SAMD5: variants seen among roughly 807,000 people sequenced by gnomAD.
SAMD5 encodes sterile alpha motif domain-containing protein 5.
SAMD5 carries 13 observed loss-of-function variants against 11.3 expected under a neutral mutation model. The observed-to-expected ratio is 1.15, with a 90% CI of 0.75 to 1.83. The LOEUF (loss-of-function observed/expected upper bound fraction) is 1.83, where lower values mean the gene tolerates loss of function less well. Among genes scored for constraint, SAMD5 ranks in the 40% most tolerant of loss-of-function variants. The pLI is 0.00. For synonymous variants in SAMD5, 129 were observed against 111.3 expected (o/e 1.16, Z -1.00); for missense variants, 255 against 239.1 (o/e 1.07, Z -0.44).
intron 1 of SAMD5, among the ~76,000 whole-genome samples, chr6:147,529,870 T>G (rs995239213): frequency 6.6e-6 from 1 of 152,212 alleles, no homozygotes; most frequent in African/African-American, 2.4e-5. Flanking sequence ...TATTTCAGGA[T>G]TTCCCAGTTT....
At chr6:147,694,680 G>A (rs1252368590) in intron 1 of SAMD5, among the ~76,000 whole-genome samples, 7 of 152,064 alleles carry the variant, frequency 4.6e-5, no homozygotes, top group African/African-American at 1.2e-4. Flanking sequence ...AGCCAGGCAC[G>A]GTAGCTCAAA....
At chr6:147,881,205 T>G in the SAMD5 span, among the ~76,000 whole-genome samples, 1 of 152,128 alleles carries the variant, frequency 6.6e-6, no homozygotes, top group Non-Finnish European at 1.5e-5. Context: ...ATGGCAAAAC[T>G]AAGATCTTTG....
At chr6:147,860,833 C>A in the SAMD5 span, among the ~76,000 whole-genome samples, 6 of 152,096 alleles carry the variant, frequency 3.9e-5, no homozygotes, top group African/African-American at 1.4e-4. Context: ...TGAATGGATT[C>A]CATAGGAATA....
intron 1 of SAMD5, among the ~76,000 whole-genome samples, chr6:147,520,695 G>A (rs1305472018): frequency 6.6e-6 from 1 of 152,038 alleles, no homozygotes; most frequent in Non-Finnish European, 1.5e-5. Flanking sequence ...TTTTTTGTCA[G>A]TAGCTGTCAT....
chr6:147,605,354 A>G (rs1459162004), intron 1 of SAMD5, among the ~76,000 whole-genome samples: 1 of 152,162 alleles, frequency 6.6e-6, no homozygotes, highest in African/African-American at 2.4e-5. Flanking sequence ...GCCTCAAGTG[A>G]TCCTCTCACC....
the SAMD5 span, among the ~76,000 whole-genome samples, chr6:147,880,103 A>C: frequency 6.6e-6 from 1 of 152,200 alleles, no homozygotes; most frequent in Non-Finnish European, 1.5e-5. Flanking sequence ...CTTCATAAAA[A>C]TCCTGTGAAA....
At chr6:147,935,462 A>T in the SAMD5 span, among the ~76,000 whole-genome samples, 1 of 152,192 alleles carries the variant, frequency 6.6e-6, no homozygotes, top group Non-Finnish European at 1.5e-5. Context: ...GCAAAAGTAG[A>T]GAAGGAATAA....
chr6:147,929,176 A>T, the SAMD5 span, among the ~76,000 whole-genome samples: 38 of 152,286 alleles, frequency 2.5e-4, no homozygotes, highest in South Asian at 1.2e-3. Flanking sequence ...CAGTAAGTTC[A>T]GTTGTCTTCA....
intron 1 of SAMD5, among the ~76,000 whole-genome samples, chr6:147,691,993 A>C (rs1229860493): frequency 5.3e-5 from 8 of 151,594 alleles, no homozygotes; most frequent in African/African-American, 1.2e-4. Context: ...ACACACACAC[A>C]CCCCCCTGAT....
At chr6:147,904,670 T>C in the SAMD5 span, among the ~76,000 whole-genome samples, 1 of 152,154 alleles carries the variant, frequency 6.6e-6, no homozygotes. Context: ...ATTTCTCAAA[T>C]TGCAGCCCCT....
the SAMD5 span, among the ~76,000 whole-genome samples, chr6:147,790,756 TTCTCTCTCTCTCTTTCTCTCTC>T: frequency 6.9e-5 from 2 of 28,966 alleles, no homozygotes; most frequent in Admixed American, 3.3e-4. Flanking sequence ...CTCTCTCTCT[TTCTCTCTCTCTCTTTCTCTCTC>T]TCTCTCTCTC....
rs536163384 is a variant in SAMD5 at position 147,523,738 on chromosome 6, G to A, written c.459+14351G>A. Among the ~76,000 whole-genome samples the A allele has an allele frequency of 2.2e-4, 33 of 152,292 alleles. No homozygotes were observed. In the South Asian group the frequency reaches 6.2e-3, roughly 29 times the overall value. The stretch of plus-strand genomic sequence containing the variant: ...CTTGCTTCCTTCAGGATCAGGTTAA[G>A]GGGCAAAACGTGAAATGTGAAAGTG... On this transcript the variant is annotated intron_variant, in intron 1 of 1. Transcript: ENST00000367474.
chr6:147,733,663 C>G (rs925424281), intron 1 of SAMD5: 1 of 217,250 alleles, frequency 4.6e-6, no homozygotes, highest in Non-Finnish European at 7.8e-6. Flanking sequence ...ATTCTCTCCT[C>G]CCTTATCCAA....
At chr6:147,872,549 C>A in the SAMD5 span, among the ~76,000 whole-genome samples, 1 of 152,130 alleles carries the variant, frequency 6.6e-6, no homozygotes, top group African/African-American at 2.4e-5. Context: ...GGGTTGGGTT[C>A]CTTGCCAAAG....
rs1196020353 is a variant in SAMD5, at chr6:147,679,532, GA to G, written c.163-57783del. ...TATTGAGTTTTGAGAATTCCACAATGAATTTATGTATTCTAGATTAAATTAC... is the reference window on the plus strand; with the variant it reads ...TATTGAGTTTTGAGAATTCCACAATGATTTATGTATTCTAGATTAAATTAC... On this transcript the variant is annotated intron_variant, in intron 1 of 1. Transcript: ENST00000566741. 3.9e-5 allele frequency among the ~76,000 whole-genome samples: 6 copies of G among 152,126 alleles called. No homozygotes were observed. In the South Asian group the frequency reaches 6.2e-4, roughly 16 times the overall value.
chr6:147,518,934 C>A (rs928784085), intron 1 of SAMD5, among the ~76,000 whole-genome samples: 1 of 152,066 alleles, frequency 6.6e-6, no homozygotes, highest in African/African-American at 2.4e-5. Flanking sequence ...GTGGATCATG[C>A]CAAAAGGCAT....
At chr6:147,816,295 A>ATATATATATATATAT in the SAMD5 span, among the ~76,000 whole-genome samples, 1 of 89,568 alleles carries the variant, frequency 1.1e-5, no homozygotes, top group African/African-American at 6.0e-5. Flanking sequence ...AAAAAAAAAA[A>ATATATATATATATAT]AAAAAAATAT....
the SAMD5 span, among the ~76,000 whole-genome samples, chr6:147,768,870 T>A: frequency 6.6e-6 from 1 of 152,180 alleles, no homozygotes; most frequent in Admixed American, 6.5e-5. Flanking sequence ...CTCAGCTCAC[T>A]GCAACCTCCG....
chr6:147,796,112 T>C, the SAMD5 span, among the ~76,000 whole-genome samples: 1 of 150,138 alleles, frequency 6.7e-6, no homozygotes, highest in African/African-American at 2.5e-5. Context: ...TGCCATTGCT[T>C]TTGGTGTTTT....
Sources: allele counts gnomAD v4.1 joint callset (sites outside exome capture counted in the v4.1 genomes callset), GRCh38; gene constraint gnomAD v4.1.1; transcripts MANE v1.5; gene names NCBI Gene and HGNC (gene_info 2026-07-23, HGNC 2026-07-21).